Variants in PDE1C observed in about 807,000 individuals in gnomAD.
PDE1C encodes dual specificity calcium/calmodulin-dependent 3',5'-cyclic nucleotide phosphodiesterase 1C.
PDE1C carries 62 observed loss-of-function variants against 93.1 expected under a neutral mutation model. That is an observed-to-expected ratio of 0.67 (90% CI 0.54 to 0.82). The LOEUF is 0.82. Among genes scored for constraint, PDE1C ranks in the 40% least tolerant of loss-of-function variants. The pLI is 0.00. For missense variants in PDE1C, 742 were observed against 884.6 expected, an observed-to-expected ratio of 0.84 and a Z score of 2.04; for synonymous variants, 325 against 310.1, an observed-to-expected ratio of 1.05 and a Z score of -0.50.
the PDE1C span, chr7:31,695,968 C>T: frequency 1.1e-4 from 18 of 165,606 alleles, no homozygotes; most frequent in East Asian, 2.9e-3. Flanking sequence ...TCCACAGTCA[C>T]GATGAGTACC....
At chr7:31,691,442 G>A in the PDE1C span, among the ~76,000 whole-genome samples, 1 of 152,126 alleles carries the variant, frequency 6.6e-6, no homozygotes, top group Non-Finnish European at 1.5e-5. Context: ...TAGGACATGA[G>A]TAATAAATTA....
the PDE1C span, among the ~76,000 whole-genome samples, chr7:31,637,355 A>G: frequency 3.3e-5 from 5 of 152,272 alleles, no homozygotes; most frequent in Admixed American, 2.0e-4. Flanking sequence ...TCCCACCAAC[A>G]GTGTAAAAGT....
At chr7:32,372,650 T>C (rs1056528117) in intron 1 of PDE1C, among the ~76,000 whole-genome samples, 1 of 152,120 alleles carries the variant, frequency 6.6e-6, no homozygotes, top group Non-Finnish European at 1.5e-5. Context: ...AAATTAAAAT[T>C]TGCTGTACTT....
At chr7:32,424,914 A>C (rs1276931396) in intron 1 of PDE1C, among the ~76,000 whole-genome samples, 3 of 152,158 alleles carry the variant, frequency 2.0e-5, no homozygotes, top group African/African-American at 7.2e-5. Flanking sequence ...AGCATAGAGA[A>C]AAGGTAAGAA....
chr7:31,695,580 G>A, the PDE1C span: 1 of 1,613,858 alleles, frequency 6.2e-7, no homozygotes, highest in South Asian at 1.1e-5. Flanking sequence ...AAACCAAGGA[G>A]GAAAGATACA....
intron 2 of PDE1C, among the ~76,000 whole-genome samples, chr7:31,892,977 A>G (rs1490322960): frequency 6.6e-6 from 1 of 152,326 alleles, no homozygotes; most frequent in Non-Finnish European, 1.5e-5. Flanking sequence ...GATTGATTTA[A>G]TCACTCCACA....
intron 3 of PDE1C, among the ~76,000 whole-genome samples, chr7:32,132,901 C>T (rs989175815): frequency 2.6e-5 from 4 of 151,998 alleles, no homozygotes; most frequent in South Asian, 2.1e-4. Context: ...TGTGATAAAA[C>T]AAATCAAGAA....
the PDE1C span, among the ~76,000 whole-genome samples, chr7:31,619,709 T>G: frequency 5.9e-5 from 9 of 152,018 alleles, no homozygotes; most frequent in African/African-American, 2.2e-4. Flanking sequence ...TGCATTTCCA[T>G]CTGAGGTACC....
chr7:32,369,971 C>T (rs1784300951), intron 1 of PDE1C, among the ~76,000 whole-genome samples: 1 of 152,128 alleles, frequency 6.6e-6, no homozygotes, highest in Non-Finnish European at 1.5e-5. Flanking sequence ...CCCAGAAATC[C>T]CATTACTGGG....
chr7:31,878,151 G>T, intron 4 of PDE1C, 115 bp from the exon 5 acceptor site: 1 of 642,834 alleles, frequency 1.6e-6, no homozygotes, highest in Non-Finnish European at 2.6e-6. Flanking sequence ...GTGATCCAAA[G>T]AACCTAAAAT....
the PDE1C span, among the ~76,000 whole-genome samples, chr7:31,698,253 C>G: frequency 6.6e-6 from 1 of 152,180 alleles, no homozygotes; most frequent in Non-Finnish European, 1.5e-5. Flanking sequence ...ACGACAGAAA[C>G]AGTCAGGGGC....
intron 3 of PDE1C, among the ~76,000 whole-genome samples, 176 bp downstream of exon 3, chr7:31,880,571 G>A (rs73306538): frequency 6.6e-4 from 100 of 152,134 alleles, no homozygotes; most frequent in African/African-American, 1.2e-3. Flanking sequence ...TAGATGAGGC[G>A]GTACAGAGAG....
chr7:31,792,066 T>C (rs995141932), intron 16 of PDE1C, among the ~76,000 whole-genome samples: 1 of 151,986 alleles, frequency 6.6e-6, no homozygotes, highest in Admixed American at 6.6e-5. Context: ...CCACCAGCAG[T>C]AAAAGAACAA....
chr7:31,975,869 C>G (rs1811597908), intron 2 of PDE1C, among the ~76,000 whole-genome samples: 1 of 152,108 alleles, frequency 6.6e-6, no homozygotes, highest in Non-Finnish European at 1.5e-5. Context: ...GGCTAAGAAC[C>G]ACATCACTGA....
intron 3 of PDE1C, among the ~76,000 whole-genome samples, chr7:32,128,934 T>G (rs1406141744): frequency 2.5e-4 from 24 of 94,134 alleles, no homozygotes; most frequent in East Asian, 2.4e-3. Context: ...TATATATATA[T>G]ATATATATAT....
At chr7:32,412,396 C>T (rs1785188000) in intron 1 of PDE1C, among the ~76,000 whole-genome samples, 2 of 147,894 alleles carry the variant, frequency 1.4e-5, no homozygotes. Context: ...GCGGAGGTTG[C>T]AGTAAGCGGA....
At chr7:31,757,053 A>G in intron 17 of PDE1C, among the ~76,000 whole-genome samples, 1 of 152,252 alleles carries the variant, frequency 6.6e-6, no homozygotes, top group South Asian at 2.1e-4. Context: ...AAAAGATGAG[A>G]AACAACTTAA....
intron 3 of PDE1C, among the ~76,000 whole-genome samples, chr7:32,169,239 C>T (rs1382566683): frequency 6.6e-6 from 1 of 151,892 alleles, no homozygotes; most frequent in Non-Finnish European, 1.5e-5. Flanking sequence ...AGTGCAATGC[C>T]GAAAGAAAAT....
At chr7:32,257,497 G>C (rs1809891566) in intron 1 of PDE1C, among the ~76,000 whole-genome samples, 1 of 152,082 alleles carries the variant, frequency 6.6e-6, no homozygotes, top group African/African-American at 2.4e-5. Context: ...ATAAAAATGG[G>C]TGGATAATGA....
Sources: allele counts gnomAD v4.1 joint callset (sites outside exome capture counted in the v4.1 genomes callset), GRCh38; gene constraint gnomAD v4.1.1; transcripts MANE v1.5; gene names NCBI Gene and HGNC (gene_info 2026-07-23, HGNC 2026-07-21).